The following SNX24 variants were observed in gnomAD, a reference collection of about 807,000 sequenced individuals.
SNX24 encodes the protein sorting nexin-24.
A neutral mutation model predicts 28.7 loss-of-function variants in SNX24; 22 were observed. That is an observed-to-expected ratio of 0.77 (90% CI 0.55 to 1.10). SNX24 has a LOEUF of 1.10. Ranked by LOEUF, SNX24 falls within the 50% of genes least tolerant of loss-of-function variation. The pLI, the probability that SNX24 is intolerant of heterozygous loss-of-function variation, is 0.00. For missense variants in SNX24, 221 were observed against 201.1 expected (o/e 1.10, Z -0.60); for synonymous variants, 69 against 71.5 (o/e 0.96, Z 0.18).
At chr5:122,975,792 AACTT>A (rs1387013877) in intron 3 of SNX24, among the ~76,000 whole-genome samples, 1 of 152,202 alleles carries the variant, frequency 6.6e-6, no homozygotes, top group Non-Finnish European at 1.5e-5. Flanking sequence ...ATAAGGTATT[AACTT>A]TTGGATCTGC....
At chr5:122,959,381 A>G (rs985806014) in intron 3 of SNX24, among the ~76,000 whole-genome samples, 2 of 148,588 alleles carry the variant, frequency 1.3e-5, no homozygotes, top group African/African-American at 2.5e-5. Context: ...TATTTTATAT[A>G]TATATAATAA....
intron 3 of SNX24, among the ~76,000 whole-genome samples, chr5:122,969,020 G>T (rs1760835908): frequency 6.6e-6 from 1 of 152,026 alleles, no homozygotes; most frequent in Non-Finnish European, 1.5e-5. Context: ...GATAAAAAAC[G>T]TTTGGAAAAT....
At chr5:122,905,751 C>G (rs1757621598) in intron 1 of SNX24, among the ~76,000 whole-genome samples, 1 of 152,178 alleles carries the variant, frequency 6.6e-6, no homozygotes, top group Non-Finnish European at 1.5e-5. Context: ...TAACTTCCAT[C>G]TGTAAGAGTA....
chr5:122,951,648 A>T (rs1207702909), intron 3 of SNX24, among the ~76,000 whole-genome samples: 2 of 152,228 alleles, frequency 1.3e-5, no homozygotes, highest in Non-Finnish European at 2.9e-5. Flanking sequence ...GAATGAATAA[A>T]CTCCAACAGT....
intron 5 of SNX24, among the ~76,000 whole-genome samples, chr5:123,016,217 G>A (rs1183932230): frequency 4.6e-5 from 7 of 152,182 alleles, no homozygotes; most frequent in Admixed American, 4.6e-4. Context: ...AAAATAAGAA[G>A]GTTTACTTGT....
chr5:122,917,846 C>G (rs996032799), intron 1 of SNX24, among the ~76,000 whole-genome samples: 1 of 151,976 alleles, frequency 6.6e-6, no homozygotes, highest in East Asian at 1.9e-4. Flanking sequence ...TTTGGGAGGC[C>G]GAGGTGGGCG....
At chr5:122,919,533 G>T (rs933672413) in intron 1 of SNX24, among the ~76,000 whole-genome samples, 1 of 151,464 alleles carries the variant, frequency 6.6e-6, no homozygotes, top group Non-Finnish European at 1.5e-5. Flanking sequence ...AGTTGATGTG[G>T]TGTTTTGACT....
chr5:123,029,078 TTAAAAGAGAGCAAACCA>T, intron 5 of SNX24: 1 of 910,690 alleles, frequency 1.1e-6, no homozygotes, highest in Non-Finnish European at 1.6e-6. Flanking sequence ...TGTGAATAAG[TTAAAAGAGAGCAAACCA>T]TATTTTCACT....
downstream of SNX24, among the ~76,000 whole-genome samples, chr5:123,013,335 G>A (rs1270261883): frequency 6.6e-6 from 1 of 152,206 alleles, no homozygotes; most frequent in Non-Finnish European, 1.5e-5. Context: ...TGGACATAAA[G>A]TTCAGTGATT....
intron 1 of SNX24, among the ~76,000 whole-genome samples, chr5:122,911,823 A>T (rs1251694815): frequency 1.6e-5 from 2 of 127,872 alleles, no homozygotes; most frequent in Non-Finnish European, 3.2e-5. Context: ...TGTTCCATTG[A>T]TCTATATCTC....
intron 1 of SNX24, among the ~76,000 whole-genome samples, chr5:122,898,068 T>G (rs949754831): frequency 1.3e-5 from 2 of 152,210 alleles, no homozygotes; most frequent in Admixed American, 1.3e-4. Context: ...TTTGTGTGCA[T>G]GTATGTGTGT....
At chr5:122,961,588 A>G (rs1360075889) in intron 3 of SNX24, among the ~76,000 whole-genome samples, 1 of 152,236 alleles carries the variant, frequency 6.6e-6, no homozygotes, top group Non-Finnish European at 1.5e-5. Flanking sequence ...ATACAGACTC[A>G]ATGTAACGGG....
At chr5:123,028,673 C>T (rs927961531) in intron 5 of SNX24, 5 of 917,072 alleles carry the variant, frequency 5.5e-6, no homozygotes, top group Non-Finnish European at 8.3e-6. Flanking sequence ...GTCTTTACAA[C>T]TGTGTTCCTT....
rs551574645 is a variant in SNX24 at position 122,931,598 on chromosome 5, A to T, written c.61-5136A>T. Among the ~76,000 whole-genome samples the T allele has an allele frequency of 1.8e-4, 27 of 152,282 alleles. 1 individual carries two copies. In the South Asian group the frequency reaches 5.6e-3, roughly 32 times the overall value. ...CATCTTGTTCTAATGAACAAGTATT[A>T]AATATACATATATATGCATGTATAT... On this transcript the variant is annotated intron_variant, in intron 1 of 6. Transcript: ENST00000261369.
At chr5:122,870,468 T>G (rs772731599) in intron 1 of SNX24, among the ~76,000 whole-genome samples, 23 of 152,192 alleles carry the variant, frequency 1.5e-4, no homozygotes, top group Non-Finnish European at 2.8e-4. Context: ...ACCCTTAGTT[T>G]CAGTGTTGTT....
At chr5:123,026,085 G>A in intron 5 of SNX24, 1 of 857,418 alleles carries the variant, frequency 1.2e-6, no homozygotes, top group Non-Finnish European at 1.7e-6. Flanking sequence ...TAGGGATGGG[G>A]AAGACATGTT....
chr5:122,950,768 CT>C (rs1401814676), intron 3 of SNX24, among the ~76,000 whole-genome samples: 1 of 152,050 alleles, frequency 6.6e-6, no homozygotes, highest in Non-Finnish European at 1.5e-5. Flanking sequence ...GGTGATTTCC[CT>C]AATGAATAAC....
At chr5:122,902,409 G>C (rs1354082730) in intron 1 of SNX24, among the ~76,000 whole-genome samples, 1 of 152,216 alleles carries the variant, frequency 6.6e-6, no homozygotes, top group Non-Finnish European at 1.5e-5. Flanking sequence ...AAATGGAAGA[G>C]GACCAGGGAA....
chr5:123,007,466 AC>A (rs1482953115), intron 6 of SNX24, among the ~76,000 whole-genome samples: 2 of 152,184 alleles, frequency 1.3e-5, no homozygotes, highest in Non-Finnish European at 2.9e-5. Flanking sequence ...ATCTGGCCGC[AC>A]ATTCCTGCCG....
Sources: allele counts gnomAD v4.1 joint callset (sites outside exome capture counted in the v4.1 genomes callset), GRCh38; gene constraint gnomAD v4.1.1; transcripts MANE v1.5; gene names NCBI Gene and HGNC (gene_info 2026-07-23, HGNC 2026-07-21).